Variants in ANKRD6 observed in about 807,000 individuals in gnomAD.
ANKRD6 encodes ankyrin repeat domain 6, also known as ankyrin repeat domain-containing protein 6.
ANKRD6 carries 56 observed loss-of-function variants against 82.3 expected under a neutral mutation model. That is an observed-to-expected ratio of 0.68 (90% CI 0.55 to 0.85). The LOEUF is 0.85. ANKRD6 is among the 40% of genes least tolerant of loss of function. ANKRD6 has a pLI of 0.00. For synonymous variants in ANKRD6, 347 were observed against 352.1 expected, an observed-to-expected ratio of 0.99 and a Z score of 0.16; for missense variants, 852 against 907.6, an observed-to-expected ratio of 0.94 and a Z score of 0.79.
chr6:89,500,333 G>T (rs926479001), intron 1 of ANKRD6, among the ~76,000 whole-genome samples: 2 of 152,084 alleles, frequency 1.3e-5, no homozygotes, highest in Admixed American at 1.3e-4. Context: ...GGCTGCCTGT[G>T]CTGTGATATT....
At chr6:89,546,598 G>C (rs1182876791) in intron 1 of ANKRD6, among the ~76,000 whole-genome samples, 1 of 152,028 alleles carries the variant, frequency 6.6e-6, no homozygotes, top group African/African-American at 2.4e-5. Flanking sequence ...CGAGTAGCTG[G>C]GGCCATAGCC....
chr6:89,578,151 A>C (rs551055971), intron 2 of ANKRD6, among the ~76,000 whole-genome samples: 1 of 152,324 alleles, frequency 6.6e-6, no homozygotes, highest in Non-Finnish European at 1.5e-5. Context: ...ACTTCAGTTT[A>C]AATAGGCAAG....
intron 4 of ANKRD6, among the ~76,000 whole-genome samples, chr6:89,604,336 A>C: frequency 6.6e-6 from 1 of 152,190 alleles, no homozygotes; most frequent in East Asian, 1.9e-4. Context: ...TCTCAAAAAA[A>C]AAAGAAAAAG....
chr6:89,598,415 C>T (rs1796358284), intron 3 of ANKRD6: 1 of 985,158 alleles, frequency 1.0e-6, no homozygotes, highest in Non-Finnish European at 1.2e-6. Flanking sequence ...CCTAGAAGAT[C>T]AGAGAGAGAA....
At chr6:89,510,976 G>A (rs1032280056) in intron 1 of ANKRD6, among the ~76,000 whole-genome samples, 11 of 152,054 alleles carry the variant, frequency 7.2e-5, no homozygotes, top group African/African-American at 1.2e-4. Context: ...TAAAGGGAGC[G>A]GTAGAATCAC....
intron 1 of ANKRD6, among the ~76,000 whole-genome samples, chr6:89,467,131 CAGG>C (rs1237528763): frequency 2.6e-5 from 4 of 151,124 alleles, no homozygotes; most frequent in Non-Finnish European, 5.9e-5. Flanking sequence ...TACTTGGGCT[CAGG>C]AGTTCAAGTC....
intron 1 of ANKRD6, among the ~76,000 whole-genome samples, chr6:89,465,373 A>G (rs1446232576): frequency 6.6e-6 from 1 of 151,924 alleles, no homozygotes; most frequent in Non-Finnish European, 1.5e-5. Context: ...CGCCCACCTC[A>G]GCCTCCCAAA....
chr6:89,535,724 T>C (rs1296477336), intron 1 of ANKRD6, among the ~76,000 whole-genome samples: 3 of 152,220 alleles, frequency 2.0e-5, no homozygotes, highest in African/African-American at 7.2e-5. Context: ...CTTGACCTAA[T>C]GTGGAAAGTT....
In ANKRD6 at chr6:89,468,019, ACCTAAAGTTGC is replaced by A. The variant is rs199730638; in HGVS notation, c.-144+34647_-144+34657del. 5.0e-3 allele frequency among the ~76,000 whole-genome samples: 758 copies of A among 152,154 alleles called. 3 individuals are homozygous for A. The highest frequency in any genetic ancestry group is 0.018 in the African/African-American group (730 of 41,540). On this transcript the variant is annotated intron_variant, in intron 1 of 15. Transcript: ENST00000339746. Reference sequence around the variant, plus strand: ...GAGGCAGTGTGCCTCTCATTTTACCACCTAAAGTTGCCCATAGAGGTCCAAGGAGACACTGC... The same window carrying A: ...GAGGCAGTGTGCCTCTCATTTTACCACCATAGAGGTCCAAGGAGACACTGC...
chr6:89,491,862 A>T (rs1169729819), intron 1 of ANKRD6, among the ~76,000 whole-genome samples: 1 of 152,204 alleles, frequency 6.6e-6, no homozygotes, highest in Non-Finnish European at 1.5e-5. Flanking sequence ...TTCTCCCTGA[A>T]GATGAAGGGT....
intron 1 of ANKRD6, among the ~76,000 whole-genome samples, chr6:89,462,251 T>A (rs964031507): frequency 4.1e-5 from 6 of 145,564 alleles, no homozygotes; most frequent in Non-Finnish European, 8.9e-5. Context: ...ATAATAATAA[T>A]AATAATAATA....
At chr6:89,556,676 A>G (rs557205669) in intron 1 of ANKRD6, among the ~76,000 whole-genome samples, 1 of 152,366 alleles carries the variant, frequency 6.6e-6, no homozygotes, top group East Asian at 1.9e-4. Flanking sequence ...CAGTGGCAGT[A>G]CAGCTAAAGA....
chr6:89,542,026 A>T (rs1039863534), intron 1 of ANKRD6, among the ~76,000 whole-genome samples: 2 of 151,866 alleles, frequency 1.3e-5, no homozygotes, highest in African/African-American at 4.8e-5. Flanking sequence ...TGAATCTATG[A>T]ATAAAAAATT....
At chr6:89,522,297 C>T (rs1224248718) in intron 1 of ANKRD6, among the ~76,000 whole-genome samples, 5 of 152,212 alleles carry the variant, frequency 3.3e-5, no homozygotes, top group Non-Finnish European at 7.3e-5. Flanking sequence ...GTAGGGCAGG[C>T]AACTGTTAGG....
At chr6:89,493,723 C>A (rs944890773) in intron 1 of ANKRD6, among the ~76,000 whole-genome samples, 2 of 152,140 alleles carry the variant, frequency 1.3e-5, no homozygotes, top group Non-Finnish European at 2.9e-5. Flanking sequence ...GCCTGTCTGT[C>A]TCTTATAAGG....
At position 89,624,026 on chromosome 6, in the gene ANKRD6, T is replaced by G. The variant is rs1317039440; in HGVS notation, c.1187T>G (p.Leu396Trp). ...HEFRAYQLYT[L>W]YRGKDGKVMQ... Reference sequence around the variant, plus strand: ...TTCAGGGCGTATCAGCTCTACACATTGTACCGGGGCAAGGATGGGAAAGTG... The same window carrying G: ...TTCAGGGCGTATCAGCTCTACACATGGTACCGGGGCAAGGATGGGAAAGTG... Residue 396 changes from leucine to tryptophan, a missense_variant, in exon 12 of 16, where the codon TTG (leucine) becomes TGG (tryptophan). By Grantham distance (61) the Leu-to-Trp change is moderately conservative. Transcript: ENST00000339746. The G allele has an allele frequency of 2.7e-6, 4 of 1,495,692 alleles. No homozygotes were observed. In the African/African-American group the frequency reaches 5.7e-5, roughly 21 times the overall value. 92.7% of individuals were successfully genotyped at this position (1,495,692 alleles called of 1,614,324 possible).
intron 2 of ANKRD6, among the ~76,000 whole-genome samples, chr6:89,575,387 A>T (rs1790884304): frequency 6.6e-6 from 1 of 152,140 alleles, no homozygotes; most frequent in East Asian, 1.9e-4. Context: ...GGTCAGAGAA[A>T]AACTTTTGCT....
intron 1 of ANKRD6, among the ~76,000 whole-genome samples, chr6:89,521,224 C>CTT: frequency 6.6e-6 from 1 of 152,104 alleles, no homozygotes; most frequent in Non-Finnish European, 1.5e-5. Flanking sequence ...CCAGGAGATG[C>CTT]CCCTTAACCA....
At chr6:89,553,790 C>G (rs1411240375) in intron 1 of ANKRD6, among the ~76,000 whole-genome samples, 1 of 152,254 alleles carries the variant, frequency 6.6e-6, no homozygotes, top group East Asian at 1.9e-4. Flanking sequence ...AAGTGCTTCC[C>G]CACCTTACTT....
Sources: gnomAD v4.1 joint callset for allele counts (sites outside exome capture counted in the v4.1 genomes callset) on GRCh38, gnomAD v4.1.1 for gene constraint, MANE v1.5 for transcripts, NCBI Gene and HGNC (gene_info 2026-07-23, HGNC 2026-07-21) for gene names.